The following PDE8B variants were observed in gnomAD, a reference collection of about 807,000 sequenced individuals.
PDE8B encodes phosphodiesterase 8B, also known as high affinity cAMP-specific and IBMX-insensitive 3',5'-cyclic phosphodiesterase 8B.
Under a neutral mutation model 101.3 loss-of-function variants are expected in PDE8B, and 26 were observed. The ratio of observed to expected loss-of-function variants is 0.26; its 90% CI spans 0.19 to 0.36. PDE8B has a LOEUF of 0.36. Among genes scored for constraint, PDE8B ranks in the 10% least tolerant of loss-of-function variants. PDE8B has a pLI of 1.00. For missense variants in PDE8B, 810 were observed against 1,163.1 expected, an observed-to-expected ratio of 0.70 and a Z score of 4.42; for synonymous variants, 424 against 429.3, an observed-to-expected ratio of 0.99 and a Z score of 0.15.
the PDE8B span, among the ~76,000 whole-genome samples, chr5:77,124,360 C>T: frequency 1.3e-5 from 2 of 152,010 alleles, no homozygotes; most frequent in Non-Finnish European, 2.9e-5. Context: ...GAGGCTGAGG[C>T]GGGTGGATTG....
chr5:77,177,948 T>C, the PDE8B span, among the ~76,000 whole-genome samples: 1 of 152,358 alleles, frequency 6.6e-6, no homozygotes, highest in South Asian at 2.1e-4. Context: ...TGCAGAAACT[T>C]AAACTGTGGA....
intron 1 of PDE8B, among the ~76,000 whole-genome samples, chr5:77,254,243 GAGA>G: frequency 6.6e-6 from 1 of 152,136 alleles, no homozygotes; most frequent in East Asian, 1.9e-4. Context: ...AGAGGTGTCT[GAGA>G]CATCGTGAAT....
At chr5:77,340,814 C>T (rs1779091515) in intron 6 of PDE8B, among the ~76,000 whole-genome samples, 1 of 152,098 alleles carries the variant, frequency 6.6e-6, no homozygotes, top group African/African-American at 2.4e-5. Context: ...CAGTCTGGTG[C>T]ACTTTCCACT....
chr5:77,343,667 C>T (rs939816575), intron 6 of PDE8B, among the ~76,000 whole-genome samples: 6 of 152,164 alleles, frequency 3.9e-5, no homozygotes, highest in African/African-American at 1.4e-4. Context: ...TCTTAGGCTA[C>T]ACAAAATTCA....
chr5:77,325,520 C>A lies in PDE8B; in HGVS notation c.400-19C>A. On this transcript the variant is annotated intron_variant, in intron 2 of 21. Coordinates refer to ENST00000264917, the MANE Select transcript of PDE8B (RefSeq NM_003719.5). ...TGGATGATGATTTATTTCAAGATGC[C>A]CTTTTTGTTGTGTTTCAGGTTTTGC... is the stretch of plus-strand genomic sequence containing the variant. The A allele has an allele frequency of 6.2e-7, 1 of 1,610,634 alleles. No homozygotes were observed.
At chr5:77,238,270 T>C (rs1755085254) in intron 1 of PDE8B, among the ~76,000 whole-genome samples, 1 of 152,186 alleles carries the variant, frequency 6.6e-6, no homozygotes, top group African/African-American at 2.4e-5. Flanking sequence ...AGTTCAGTCT[T>C]TTCTCTTTTG....
At chr5:77,311,851 T>G (rs1036888763) in intron 1 of PDE8B, 143 bp from the exon 2 acceptor site, 23 of 784,182 alleles carry the variant, frequency 2.9e-5, no homozygotes, top group Non-Finnish European at 4.9e-5. Context: ...TACATCATGC[T>G]TGGTAACCCA....
In PDE8B at chr5:77,211,124, G is replaced by A; in HGVS notation, c.199G>A (p.Val67Ile). 2 of 1,505,050 alleles carry A rather than the reference G, an allele frequency of 1.3e-6. No homozygotes were observed. Among genetic ancestry groups the A allele is most frequent in the South Asian group, 2.5e-5 (2 of 80,986 alleles). The allele number at this position is 1,505,050 out of a possible 1,614,324, so 93.2% of individuals were successfully genotyped here. The change falls in exon 1 of 22, where the codon GTC becomes ATC. Residue 67 changes from valine to isoleucine, a missense_variant. Physicochemically the swap from Val to Ile is conservative, Grantham distance 29 (BLOSUM62 3). This residue lies in a region of PDE8B where 159 missense variants were observed against 146.6 expected (regional missense o/e 1.08). Coordinates refer to ENST00000264917, the MANE Select transcript of PDE8B (RefSeq NM_003719.5). This position sits in a 1 kb window ranked among gnomAD's most constrained non-coding sequence, Gnocchi z 4.1. Reference sequence around the variant, plus strand: ...GTCGGGACCCCCCAGCGTAGCCCGCGTCCGCAGGGCCCGCACCGAGCTGGG... The same window carrying A: ...GTCGGGACCCCCCAGCGTAGCCCGCATCCGCAGGGCCCGCACCGAGCTGGG... ...RASGPPSVAR[V>I]RRARTELGSG...
intron 20 of PDE8B, among the ~76,000 whole-genome samples, chr5:77,422,473 CTT>C (rs1349549730): frequency 6.6e-6 from 1 of 151,966 alleles, no homozygotes; most frequent in African/African-American, 2.4e-5. Context: ...TTCAGAGAGA[CTT>C]TTTTCTAGAT....
the PDE8B span, among the ~76,000 whole-genome samples, chr5:77,110,522 G>C: frequency 6.6e-6 from 1 of 152,126 alleles, no homozygotes; most frequent in East Asian, 1.9e-4. Flanking sequence ...AATTACAAGG[G>C]CTGCCAGTGA....
At chr5:77,380,249 G>A (rs960465934) in intron 10 of PDE8B, among the ~76,000 whole-genome samples, 4 of 152,150 alleles carry the variant, frequency 2.6e-5, no homozygotes, top group African/African-American at 9.7e-5. Flanking sequence ...ATCACTTCCT[G>A]TTTCATTGCA....
chr5:77,215,099 T>C (rs908526268), intron 1 of PDE8B, among the ~76,000 whole-genome samples: 2 of 152,134 alleles, frequency 1.3e-5, no homozygotes, highest in Admixed American at 1.3e-4. Context: ...ACGCTGAGCC[T>C]CCGAGATTGG....
intron 10 of PDE8B, among the ~76,000 whole-genome samples, chr5:77,389,172 G>A (rs1789373410): frequency 6.6e-6 from 1 of 152,088 alleles, no homozygotes; most frequent in Non-Finnish European, 1.5e-5. Context: ...GCCCAGTTTT[G>A]TGCTTGAAAC....
chr5:77,406,582 G>A (rs541687421), intron 12 of PDE8B, among the ~76,000 whole-genome samples: 1 of 152,332 alleles, frequency 6.6e-6, no homozygotes, highest in South Asian at 2.1e-4. Context: ...TGCAATGGCT[G>A]CTGCACTAGC....
chr5:77,219,972 A>T lies in PDE8B; in HGVS notation c.339+8708A>T, dbSNP rs917592721. 2.0e-5 allele frequency among the ~76,000 whole-genome samples: 3 copies of T among 152,360 alleles called. No individual in the cohort carries two copies. The East Asian group carries it at 5.8e-4, about 29-fold the overall frequency. ...GTCATGTGCAGCCTCAGACACACAC[A>T]TGCATGCACGTGCACACACCTGCTC... On this transcript the variant is annotated intron_variant, in intron 1 of 21. Transcript: ENST00000264917.
At chr5:77,108,813 A>G in the PDE8B span, among the ~76,000 whole-genome samples, 18 of 152,208 alleles carry the variant, frequency 1.2e-4, no homozygotes, top group Non-Finnish European at 2.1e-4. Flanking sequence ...CACATTCAAC[A>G]AAAGATAATT....
chr5:77,202,664 G>A, the PDE8B span, among the ~76,000 whole-genome samples: 11 of 149,728 alleles, frequency 7.3e-5, no homozygotes, highest in South Asian at 2.1e-4. Context: ...ACAGAGTCTC[G>A]CTCTCTTGCC....
chr5:77,324,265 T>C (rs1395036041), intron 2 of PDE8B, among the ~76,000 whole-genome samples: 1 of 152,196 alleles, frequency 6.6e-6, no homozygotes, highest in Non-Finnish European at 1.5e-5. Context: ...CCCTCTTGCA[T>C]TTCTCAGAAG....
rs1434580590 is a variant in PDE8B, at chr5:77,237,256, A to G, written c.339+25992A>G. Among the ~76,000 whole-genome samples, 3 of 152,110 alleles carry G rather than the reference A, an allele frequency of 2.0e-5. No homozygotes were observed. The East Asian group carries it at 5.8e-4, about 29-fold the overall frequency. On this transcript the variant is annotated intron_variant, in intron 1 of 21. Transcript: ENST00000264917. ...TGATTTATTTAGACCATTTACATTT[A>G]ATGTCCATACTTTTATTATTTGCTT... is the stretch of plus-strand genomic sequence containing the variant.
Sources: gnomAD v4.1 joint callset for allele counts (sites outside exome capture counted in the v4.1 genomes callset) on GRCh38, gnomAD v4.1.1 for gene constraint, gnomAD v4.1.1 regional missense constraint, Gnocchi (gnomAD v3.1) non-coding constraint, MANE v1.5 for transcripts, NCBI Gene and HGNC (gene_info 2026-07-23, HGNC 2026-07-21) for gene names.